Variants in CMTM6 observed in about 807,000 individuals in gnomAD.
The protein encoded by CMTM6 is CKLF-like MARVEL transmembrane domain-containing protein 6.
CMTM6 carries 5 observed loss-of-function variants against 13.6 expected under a neutral mutation model. The ratio of observed to expected loss-of-function variants is 0.37; its 90% CI spans 0.19 to 0.77. The LOEUF is 0.77. Among genes scored for constraint, CMTM6 ranks in the 30% least tolerant of loss-of-function variants. The pLI is 0.50. For missense variants in CMTM6, 196 were observed against 218.6 expected, an observed-to-expected ratio of 0.90 and a Z score of 0.65; for synonymous variants, 99 against 84.5, an observed-to-expected ratio of 1.17 and a Z score of -0.94.
At position 32,482,263 on chromosome 3, in the gene CMTM6, T is replaced by TAAGAC. The variant is rs1160356040; in HGVS notation, c.*1692_*1696dup. The TAAGAC allele has an allele frequency of 1.3e-5, 2 of 151,670 alleles. No individual in the cohort carries two copies. Among genetic ancestry groups the TAAGAC allele is most frequent in the Non-Finnish European group, 2.9e-5 (2 of 67,996 alleles). 9.4% of individuals were successfully genotyped at this position (151,670 alleles called of 1,614,324 possible). A position where few individuals can be genotyped will look rare whatever the true frequency, so the allele number is the denominator to read the frequency against. ...ACAAATCCTAAAGGTATTGAGTCAG[T>TAAGAC]AAGACAGAGCAGAAGCTATGTTGGG... On this transcript the variant is annotated 3_prime_UTR_variant, in exon 4 of 4. Transcript: ENST00000205636.
At chr3:32,496,287 A>G (rs1221463041) in intron 1 of CMTM6, among the ~76,000 whole-genome samples, 3 of 151,936 alleles carry the variant, frequency 2.0e-5, no homozygotes, top group Non-Finnish European at 4.4e-5. Flanking sequence ...TATAGTCAAT[A>G]TGAAATTCTG....
At chr3:32,485,228 T>TA (rs563553514) in intron 3 of CMTM6, among the ~76,000 whole-genome samples, 10,915 of 141,716 alleles carry the variant, frequency 0.077, 508 homozygotes, top group Middle Eastern at 0.14. Flanking sequence ...ACTTCTGAAT[T>TA]AAAAAAAAAA....
intron 1 of CMTM6, among the ~76,000 whole-genome samples, chr3:32,492,243 G>A (rs1697255729): frequency 6.6e-6 from 1 of 152,128 alleles, no homozygotes; most frequent in Non-Finnish European, 1.5e-5. Context: ...AAAGATTAAG[G>A]AAAGAAATTC....
chr3:32,481,567 C>CTGT lies in CMTM6; in HGVS notation c.*2390_*2392dup, dbSNP rs1559422617. 1 of 152,050 alleles carries CTGT rather than the reference C, an allele frequency of 6.6e-6. No homozygotes were observed. Among genetic ancestry groups the CTGT allele is most frequent in the Non-Finnish European group, 1.5e-5 (1 of 68,010 alleles). The allele number at this position is 152,050 out of a possible 1,614,324, so 9.4% of individuals were successfully genotyped here. A position where few individuals can be genotyped will look rare whatever the true frequency, so the allele number is the denominator to read the frequency against. ...GTATAAAATATAAAATTTATCATAA[C>CTGT]TGTTAATTTAAAAATTATTTTAAAT... is the stretch of plus-strand genomic sequence containing the variant. On this transcript the variant is annotated 3_prime_UTR_variant, in exon 4 of 4. Coordinates refer to ENST00000205636, the MANE Select transcript of CMTM6 (RefSeq NM_017801.3).
At chr3:32,484,170 G>C (rs1282625588) in intron 3 of CMTM6, 73 bp from the exon 4 acceptor site, 2 of 1,255,736 alleles carry the variant, frequency 1.6e-6, no homozygotes, top group African/African-American at 3.1e-5. Context: ...TTGGCTTGGA[G>C]AATGTTTCAT....
intron 1 of CMTM6, among the ~76,000 whole-genome samples, chr3:32,496,003 C>G (rs1269983112): frequency 1.3e-5 from 2 of 152,052 alleles, no homozygotes; most frequent in Admixed American, 6.6e-5. Context: ...TGGTTCAAGA[C>G]CAGCCTGGCC....
At chr3:32,495,175 A>T (rs1194893742) in intron 1 of CMTM6, among the ~76,000 whole-genome samples, 1 of 152,228 alleles carries the variant, frequency 6.6e-6, no homozygotes, top group African/African-American at 2.4e-5. Flanking sequence ...GAATTTATAT[A>T]AAAGAAAAAA....
In CMTM6 at chr3:32,493,970, A is replaced by G. The variant is rs190628238; in HGVS notation, c.139-2084T>C. On this transcript the variant is annotated intron_variant, in intron 1 of 3. Transcript: ENST00000205636. ...CAGTGAAGGAGAGACAGCATAGGCAATAAGTGTGGCTGGGAAAGAATGGCC... is the reference window on the plus strand; with the variant it reads ...CAGTGAAGGAGAGACAGCATAGGCAGTAAGTGTGGCTGGGAAAGAATGGCC... Among the ~76,000 whole-genome samples the G allele has an allele frequency of 1.5e-3, 223 of 152,300 alleles. 3 individuals are homozygous for G. The East Asian group carries it at 0.025, about 17-fold the overall frequency.
chr3:32,498,440 CT>C (rs1355924304), intron 1 of CMTM6, among the ~76,000 whole-genome samples: 1 of 152,130 alleles, frequency 6.6e-6, no homozygotes, highest in Non-Finnish European at 1.5e-5. Context: ...TGTATATTTC[CT>C]TTAATGTATT....
chr3:32,502,740 C>T lies in CMTM6; in HGVS notation c.6G>A (p.Glu2=), dbSNP rs1278325710. M[E]NGAVYSPTTE... ...TAGTGGGGCTGTACACCGCTCCGTT[C>T]TCCATCGCCTCGGGCCGGGGAGCGC... Residue 2 remains glutamate (E), a synonymous_variant, in exon 1 of 4, where the codon GAG becomes GAA. Coordinates refer to ENST00000205636, the MANE Select transcript of CMTM6 (RefSeq NM_017801.3). The T allele has an allele frequency of 2.0e-6, 3 of 1,469,756 alleles. No individual in the cohort carries two copies. 91.0% of individuals were successfully genotyped at this position (1,469,756 alleles called of 1,614,324 possible).
chr3:32,485,563 TCAC>T (rs533938854), intron 3 of CMTM6, among the ~76,000 whole-genome samples: 169 of 152,328 alleles, frequency 1.1e-3, no homozygotes, highest in Non-Finnish European at 2.1e-3. Context: ...ATTTTATTGA[TCAC>T]CATCTCATAC....
At chr3:32,498,322 C>T (rs921950194) in intron 1 of CMTM6, among the ~76,000 whole-genome samples, 1 of 152,202 alleles carries the variant, frequency 6.6e-6, no homozygotes, top group Non-Finnish European at 1.5e-5. Flanking sequence ...CCACTCTGTA[C>T]TTCCTCTCTC....
rs527713087 is a variant in CMTM6 at position 32,502,636 on chromosome 3, A to C, written c.110T>G (p.Leu37Arg). The C allele has an allele frequency of 1.3e-6, 2 of 1,596,564 alleles. No homozygotes were observed. The highest frequency in any genetic ancestry group is 1.1e-5 in the South Asian group (1 of 88,372). The change falls in exon 1 of 4, where the codon CTC becomes CGC. Residue 37 changes from leucine (L) to arginine (R), a missense_variant. Around this residue, in one of 2 missense-constraint regions of CMTM6, gnomAD observed 85 missense variants for 58.7 expected, o/e 1.45. Coordinates refer to ENST00000205636, the MANE Select transcript of CMTM6 (RefSeq NM_017801.3). ...CTGCAAGCCCTTGAGAACGCGCCGGAGCAATGGGAGCCGGCCCATGAAAAA... is the reference window on the plus strand; with the variant it reads ...CTGCAAGCCCTTGAGAACGCGCCGGCGCAATGGGAGCCGGCCCATGAAAAA... ...AYFFMGRLPL[L>R]RRVLKGLQLL...
chr3:32,502,112 A>T (rs1448741556), intron 1 of CMTM6, among the ~76,000 whole-genome samples: 1 of 152,264 alleles, frequency 6.6e-6, no homozygotes, highest in Non-Finnish European at 1.5e-5. Context: ...CCGGACACAC[A>T]TACACACACA....
intron 1 of CMTM6, among the ~76,000 whole-genome samples, chr3:32,495,984 T>TAGAA (rs1335427556): frequency 2.0e-5 from 3 of 151,990 alleles, no homozygotes; most frequent in Admixed American, 6.5e-5. Context: ...TGAGGCCTTC[T>TAGAA]GGCCAACCTG....
At chr3:32,497,159 G>A (rs1212854740) in intron 1 of CMTM6, among the ~76,000 whole-genome samples, 15 of 152,106 alleles carry the variant, frequency 9.9e-5, no homozygotes, top group Non-Finnish European at 1.3e-4. Flanking sequence ...CGAGGTGGGC[G>A]GATCACGAGG....
At chr3:32,498,518 A>G (rs931722849) in intron 1 of CMTM6, among the ~76,000 whole-genome samples, 10 of 151,632 alleles carry the variant, frequency 6.6e-5, no homozygotes, top group African/African-American at 2.4e-4. Context: ...CTAAAACATG[A>G]TCTTACAGTT....
intron 2 of CMTM6, 26 bp downstream of exon 2, chr3:32,491,684 C>T (rs1272412093): frequency 6.4e-7 from 1 of 1,556,322 alleles, no homozygotes; most frequent in Non-Finnish European, 8.7e-7. Flanking sequence ...GCTATTAATA[C>T]AGGGATGATA....
chr3:32,499,497 G>A (rs1285862059), intron 1 of CMTM6, among the ~76,000 whole-genome samples: 2 of 152,148 alleles, frequency 1.3e-5, no homozygotes, highest in African/African-American at 4.8e-5. Context: ...CACTGCACCA[G>A]CGTATCAGCA....
Sources: gnomAD v4.1 joint callset for allele counts (sites outside exome capture counted in the v4.1 genomes callset) on GRCh38, gnomAD v4.1.1 for gene constraint, gnomAD v4.1.1 regional missense constraint, MANE v1.5 for transcripts, NCBI Gene and HGNC (gene_info 2026-07-23, HGNC 2026-07-21) for gene names.